Variants in ASH1L observed in about 807,000 individuals in gnomAD.
ASH1L encodes the protein ASH1 like histone lysine methyltransferase.
Under a neutral mutation model 269.0 loss-of-function variants are expected in ASH1L, and 23 were observed. The observed-to-expected ratio is 0.09, with a 90% CI of 0.06 to 0.12. The LOEUF is 0.12. ASH1L is among the 10% of genes least tolerant of loss of function. The probability of loss-of-function intolerance (pLI) is 1.00; values close to 1 mark genes in which losing one functional copy is unlikely to be tolerated. For missense variants in ASH1L, 2,912 were observed against 3,567.8 expected, an observed-to-expected ratio of 0.82 and a Z score of 4.68; for synonymous variants, 1,187 against 1,253.5, an observed-to-expected ratio of 0.95 and a Z score of 1.12.
intron 6 of ASH1L, among the ~76,000 whole-genome samples, chr1:155,405,344 T>C (rs865877095): frequency 5.3e-5 from 8 of 151,214 alleles, no homozygotes; most frequent in South Asian, 2.1e-4. Context: ...TAGCCAGGTG[T>C]GTTGGCATGC....
Position 155,490,653 on chromosome 1 carries a change from C to T in ASH1L, c.421-8204G>A, listed in dbSNP as rs554684795. 6.1e-5 allele frequency among the ~76,000 whole-genome samples: 9 copies of T among 148,196 alleles called. No individual in the cohort carries two copies. In the South Asian group the frequency reaches 1.9e-3, roughly 32 times the overall value. On this transcript the variant is annotated intron_variant, in intron 2 of 27. Coordinates refer to ENST00000392403, the MANE Select transcript of ASH1L (RefSeq NM_018489.3). ...ACACACACACACACACATACACACA[C>T]ACTCTCTCTCTCTCTTTTTCTGGCC...
chr1:155,495,961 G>A (rs1464856752), intron 2 of ASH1L, among the ~76,000 whole-genome samples: 1 of 151,972 alleles, frequency 6.6e-6, no homozygotes, highest in African/African-American at 2.4e-5. Flanking sequence ...TCGTGCTATT[G>A]CACTCCAGCC....
chr1:155,466,751 T>C (rs1664729667), intron 3 of ASH1L, among the ~76,000 whole-genome samples: 1 of 152,194 alleles, frequency 6.6e-6, no homozygotes, highest in South Asian at 2.1e-4. Context: ...AAACACAATA[T>C]TGTGCTGTCA....
At chr1:155,382,284 G>T (rs916989322) in intron 7 of ASH1L, among the ~76,000 whole-genome samples, 1 of 151,786 alleles carries the variant, frequency 6.6e-6, no homozygotes, top group Non-Finnish European at 1.5e-5. Context: ...AGATCATGAG[G>T]TCAGGAGATC....
chr1:155,493,543 T>C (rs539024635), intron 2 of ASH1L, among the ~76,000 whole-genome samples: 25 of 152,208 alleles, frequency 1.6e-4, no homozygotes, highest in Non-Finnish European at 3.1e-4. Flanking sequence ...TTGATTTCAT[T>C]TTATAATATT....
chr1:155,435,541 T>C (rs950946672), intron 5 of ASH1L, among the ~76,000 whole-genome samples: 1 of 152,026 alleles, frequency 6.6e-6, no homozygotes, highest in Admixed American at 6.6e-5. Flanking sequence ...CTAGTTTAAT[T>C]AAATTATTTA....
At position 155,480,061 on chromosome 1, in the gene ASH1L, C is replaced by G; in HGVS notation, c.2809G>C (p.Glu937Gln). ...GGATCCTGAAGTTGATCCTCGCTCT[C>G]AAAGAAATCACTGCTACTTCTATGG... is the stretch of plus-strand genomic sequence containing the variant. ...DNHRSSSDFF[E>Q]SEDQLQDPDD... Residue 937 changes from glutamate (E) to glutamine (Q), a missense_variant, in exon 3 of 28, where the codon GAG becomes CAG. Glu to Gln is a conservative substitution (Grantham distance 29). Coordinates refer to ENST00000392403, the MANE Select transcript of ASH1L (RefSeq NM_018489.3). 1 of 1,614,092 alleles carries G rather than the reference C, an allele frequency of 6.2e-7. No individual in the cohort carries two copies. The highest frequency in any genetic ancestry group is 1.6e-4 in the Middle Eastern group (1 of 6,062).
intron 4 of ASH1L, among the ~76,000 whole-genome samples, chr1:155,443,707 T>C (rs1662775783): frequency 6.6e-6 from 1 of 152,240 alleles, no homozygotes; most frequent in Admixed American, 6.6e-5. Context: ...TGTATTTTAT[T>C]GTACGGCTTC....
At chr1:155,439,111 G>T in intron 4 of ASH1L, 43 bp from the exon 5 acceptor site, 1 of 1,541,144 alleles carries the variant, frequency 6.5e-7, no homozygotes, top group Non-Finnish European at 8.7e-7. Context: ...ATTGGACACG[G>T]CTAGTTATTT....
At chr1:155,530,655 G>C (rs1669612557) in intron 1 of ASH1L, among the ~76,000 whole-genome samples, 1 of 151,814 alleles carries the variant, frequency 6.6e-6, no homozygotes, top group African/African-American at 2.4e-5. Context: ...AGAACTGTTT[G>C]AACACAGGAG....
At chr1:155,483,261 C>T (rs575429845) in intron 2 of ASH1L, among the ~76,000 whole-genome samples, 19 of 152,154 alleles carry the variant, frequency 1.2e-4, no homozygotes, top group Admixed American at 5.2e-4. Context: ...GACATAAAGA[C>T]GACAATTTTC....
intron 17 of ASH1L, 110 bp from the exon 18 acceptor site, chr1:155,349,706 A>C: frequency 1.4e-6 from 1 of 708,582 alleles, no homozygotes; most frequent in Non-Finnish European, 2.2e-6. Flanking sequence ...GAAAAATCCA[A>C]GTCTTTTTTT....
At chr1:155,380,582 AT>A (rs530051282) in intron 7 of ASH1L, among the ~76,000 whole-genome samples, 1 of 151,528 alleles carries the variant, frequency 6.6e-6, no homozygotes, top group South Asian at 2.1e-4. Flanking sequence ...TTTTTGTTTG[AT>A]TTTTTTGTTT....
At chr1:155,434,579 G>A (rs1289464324) in intron 5 of ASH1L, among the ~76,000 whole-genome samples, 5 of 151,624 alleles carry the variant, frequency 3.3e-5, no homozygotes, top group African/African-American at 4.8e-5. Flanking sequence ...ATGGTGGGGC[G>A]CCGTAGCTCA....
chr1:155,384,082 C>T (rs1053750463), intron 7 of ASH1L, among the ~76,000 whole-genome samples: 7 of 152,108 alleles, frequency 4.6e-5, no homozygotes, highest in African/African-American at 1.4e-4. Flanking sequence ...AATGATTAAA[C>T]GTAACTTAGA....
At chr1:155,415,042 A>G (rs1660092881) in intron 6 of ASH1L, among the ~76,000 whole-genome samples, 2 of 152,168 alleles carry the variant, frequency 1.3e-5, no homozygotes, top group South Asian at 4.1e-4. Flanking sequence ...GAAGTCACCA[A>G]TATCATTTTA....
chr1:155,366,438 T>A (rs1470330379), intron 12 of ASH1L, among the ~76,000 whole-genome samples: 1 of 152,166 alleles, frequency 6.6e-6, no homozygotes, highest in Non-Finnish European at 1.5e-5. Context: ...GCTGCTCTGT[T>A]TATGGAATAG....
chr1:155,399,710 A>G (rs1658670261), intron 6 of ASH1L, among the ~76,000 whole-genome samples: 1 of 151,786 alleles, frequency 6.6e-6, no homozygotes. Context: ...AGGAGATACT[A>G]AGTTCTACAA....
intron 16 of ASH1L, among the ~76,000 whole-genome samples, chr1:155,354,111 T>C (rs1417501479): frequency 6.6e-6 from 1 of 152,248 alleles, no homozygotes; most frequent in Non-Finnish European, 1.5e-5. Flanking sequence ...ATAGATTATC[T>C]GCTGGAAAGC....
Sources: gnomAD v4.1 joint callset for allele counts (sites outside exome capture counted in the v4.1 genomes callset) on GRCh38, gnomAD v4.1.1 for gene constraint, MANE v1.5 for transcripts, NCBI Gene and HGNC (gene_info 2026-07-23, HGNC 2026-07-21) for gene names.